The following FBXO34 variants were observed in gnomAD, a reference collection of about 807,000 sequenced individuals.
FBXO34 encodes F-box protein 34.
Under a neutral mutation model 24.5 loss-of-function variants are expected in FBXO34, and 12 were observed. The ratio of observed to expected loss-of-function variants is 0.49; its 90% CI spans 0.31 to 0.79. The LOEUF is 0.79. Ranked by LOEUF, FBXO34 falls within the 30% of genes least tolerant of loss-of-function variation. FBXO34 has a pLI of 0.04. For synonymous variants in FBXO34, 320 were observed against 311.9 expected, an observed-to-expected ratio of 1.03 and a Z score of -0.27; for missense variants, 823 against 857.7, an observed-to-expected ratio of 0.96 and a Z score of 0.51.
intron 1 of FBXO34, among the ~76,000 whole-genome samples, chr14:55,343,245 T>C (rs1410928251): frequency 1.3e-5 from 2 of 148,560 alleles, no homozygotes; most frequent in Non-Finnish European, 3.0e-5. Flanking sequence ...CCTCCGATTT[T>C]TTTTTTTTTT....
At chr14:55,361,196 G>C (rs1884590788) in intron 3 of FBXO34, among the ~76,000 whole-genome samples, 1 of 151,942 alleles carries the variant, frequency 6.6e-6, no homozygotes, top group Non-Finnish European at 1.5e-5. Context: ...ATTACTCCTT[G>C]AGCTATTGGC....
At chr14:55,409,511 T>G in the FBXO34 span, among the ~76,000 whole-genome samples, 2 of 151,980 alleles carry the variant, frequency 1.3e-5, 1 homozygote, top group African/African-American at 4.8e-5. Context: ...CGCATGAGGT[T>G]AGCATTTTAA....
intron 1 of FBXO34, among the ~76,000 whole-genome samples, chr14:55,296,695 C>T (rs28454005): frequency 6.6e-6 from 1 of 151,966 alleles, no homozygotes; most frequent in East Asian, 1.9e-4. Flanking sequence ...TGCGCCTGGC[C>T]GCTGTTCTTG....
At chr14:55,393,318 G>A in the FBXO34 span, among the ~76,000 whole-genome samples, 3 of 152,026 alleles carry the variant, frequency 2.0e-5, no homozygotes, top group Non-Finnish European at 4.4e-5. Flanking sequence ...CCAGGAGGTG[G>A]AGGTTGCAGT....
At chr14:55,349,631 A>G (rs904696672) in intron 1 of FBXO34, among the ~76,000 whole-genome samples, 3 of 74,986 alleles carry the variant, frequency 4.0e-5, no homozygotes, top group South Asian at 4.2e-4. Flanking sequence ...TTTTTGAGAC[A>G]AAGTCTCGCT....
chr14:55,402,949 A>G, the FBXO34 span, among the ~76,000 whole-genome samples: 1 of 79,380 alleles, frequency 1.3e-5, no homozygotes, highest in Non-Finnish European at 2.6e-5. Flanking sequence ...ATATATATAT[A>G]TATATATATA....
At chr14:55,362,192 G>A (rs1884602639), downstream of FBXO34, among the ~76,000 whole-genome samples, 1 of 152,180 alleles carries the variant, frequency 6.6e-6, no homozygotes, top group Admixed American at 6.5e-5. Context: ...GTGTCTCAGG[G>A]AATAAGGAGG....
intron 1 of FBXO34, among the ~76,000 whole-genome samples, chr14:55,294,329 C>G (rs1882049299): frequency 6.6e-6 from 1 of 151,986 alleles, no homozygotes; most frequent in Non-Finnish European, 1.5e-5. Flanking sequence ...GGATCTGGCT[C>G]TGTCTCCCAG....
chr14:55,428,692 C>A, the FBXO34 span: 1 of 1,125,996 alleles, frequency 8.9e-7, no homozygotes, highest in Non-Finnish European at 1.3e-6. Flanking sequence ...CTATTGTGTC[C>A]CCCGCCTTTT....
chr14:55,384,912 G>A, the FBXO34 span, among the ~76,000 whole-genome samples: 1 of 152,214 alleles, frequency 6.6e-6, no homozygotes, highest in East Asian at 1.9e-4. Flanking sequence ...AAGATGGACT[G>A]GGAGGTTGGA....
downstream of FBXO34, chr14:55,369,780 T>A (rs773673640): frequency 1.9e-6 from 3 of 1,614,204 alleles, no homozygotes; most frequent in Non-Finnish European, 2.5e-6. Context: ...AACCGGGGAC[T>A]AGGCAAGTTC....
At chr14:55,438,611 G>A in the FBXO34 span, among the ~76,000 whole-genome samples, 3,012 of 152,196 alleles carry the variant, frequency 0.02, 106 homozygotes, top group African/African-American at 0.069. Flanking sequence ...AAAGCTACAC[G>A]TACACAAGAA....
the FBXO34 span, among the ~76,000 whole-genome samples, chr14:55,415,399 C>T: frequency 2.0e-5 from 3 of 152,170 alleles, no homozygotes; most frequent in Non-Finnish European, 4.4e-5. Flanking sequence ...GAAACTAGTT[C>T]GGTGGTTAAG....
At chr14:55,428,267 C>T in the FBXO34 span, among the ~76,000 whole-genome samples, 1 of 151,710 alleles carries the variant, frequency 6.6e-6, no homozygotes, top group East Asian at 1.9e-4. Flanking sequence ...GTAGCTGGGA[C>T]TACAGGCGCC....
intron 1 of FBXO34, among the ~76,000 whole-genome samples, chr14:55,347,664 C>T (rs1425558534): frequency 6.6e-6 from 1 of 152,216 alleles, no homozygotes; most frequent in Admixed American, 6.5e-5. Flanking sequence ...TTTAATCTTG[C>T]TAAAATCTTG....
intron 1 of FBXO34, among the ~76,000 whole-genome samples, chr14:55,301,567 A>G (rs2139711074): frequency 6.6e-6 from 1 of 152,336 alleles, no homozygotes; most frequent in East Asian, 1.9e-4. Flanking sequence ...GCATTACTGT[A>G]TTTATATCAG....
Position 55,352,031 on chromosome 14 carries a change from A to C in FBXO34, c.1641A>C (p.Ala547=). The C allele has an allele frequency of 6.2e-7, 1 of 1,614,194 alleles. No individual in the cohort carries two copies. The highest frequency in any genetic ancestry group is 8.5e-7 in the Non-Finnish European group (1 of 1,180,044). Residue 547 remains alanine (A), a synonymous_variant, in exon 2 of 2, where the codon GCA becomes GCC. Transcript: ENST00000313833. ...SVESTLPVLE[A]SSWKKQVSHD... The stretch of plus-strand genomic sequence containing the variant: ...AAAGTACATTACCAGTGCTTGAGGC[A>C]TCCAGTTGGAAGAAGCAGGTGTCGC...
At chr14:55,329,946 A>G (rs1262742840) in intron 1 of FBXO34, among the ~76,000 whole-genome samples, 2 of 151,720 alleles carry the variant, frequency 1.3e-5, no homozygotes, top group African/African-American at 2.4e-5. Context: ...TTGTTTCTCT[A>G]CTACTGGTGT....
intron 1 of FBXO34, among the ~76,000 whole-genome samples, chr14:55,287,857 T>C (rs1314281045): frequency 1.3e-5 from 2 of 152,246 alleles, no homozygotes; most frequent in Non-Finnish European, 2.9e-5. Flanking sequence ...GGTTCTCTAA[T>C]AAGCCCAACA....
Sources: allele counts gnomAD v4.1 joint callset (sites outside exome capture counted in the v4.1 genomes callset), GRCh38; gene constraint gnomAD v4.1.1; transcripts MANE v1.5; gene names NCBI Gene and HGNC (gene_info 2026-07-23, HGNC 2026-07-21).